The following FNDC3A variants were observed in gnomAD, a reference collection of about 807,000 sequenced individuals.
FNDC3A encodes fibronectin type III domain containing 3A, also known as fibronectin type-III domain-containing protein 3A.
Under a neutral mutation model 148.9 loss-of-function variants are expected in FNDC3A, and 32 were observed. That is an observed-to-expected ratio of 0.21 (90% CI 0.16 to 0.29). FNDC3A has a LOEUF of 0.29. Among genes scored for constraint, FNDC3A ranks in the 10% least tolerant of loss-of-function variants. The pLI, the probability that FNDC3A is intolerant of heterozygous loss-of-function variation, is 1.00. For missense variants in FNDC3A, 1,191 were observed against 1,452.8 expected, an observed-to-expected ratio of 0.82 and a Z score of 2.93; for synonymous variants, 472 against 473.6, an observed-to-expected ratio of 1.00 and a Z score of 0.04.
intron 7 of FNDC3A, 21 bp from the exon 8 acceptor site, chr13:49,145,757 T>C (rs1566281854): frequency 2.5e-6 from 4 of 1,610,682 alleles, no homozygotes; most frequent in African/African-American, 1.3e-5. Flanking sequence ...TAAAGAACTT[T>C]TAAATGTTGT....
At chr13:49,007,718 A>G (rs758817011) in intron 2 of FNDC3A, among the ~76,000 whole-genome samples, 1 of 152,128 alleles carries the variant, frequency 6.6e-6, no homozygotes, top group Non-Finnish European at 1.5e-5. Flanking sequence ...TGTAACAGTA[A>G]TGGTGTAGAT....
chr13:49,048,836 A>G (rs1875613824), intron 2 of FNDC3A, among the ~76,000 whole-genome samples: 1 of 152,142 alleles, frequency 6.6e-6, no homozygotes, highest in Non-Finnish European at 1.5e-5. Flanking sequence ...TGCTCTGGCT[A>G]GGACTTCCAA....
chr13:49,063,609 A>G (rs989154842), intron 2 of FNDC3A, among the ~76,000 whole-genome samples: 2 of 152,178 alleles, frequency 1.3e-5, no homozygotes, highest in Non-Finnish European at 2.9e-5. Context: ...TTGGGTATAC[A>G]TTATTCCTTG....
chr13:49,157,769 A>G (rs1255786479), intron 8 of FNDC3A, among the ~76,000 whole-genome samples: 2 of 121,430 alleles, frequency 1.6e-5, no homozygotes, highest in Non-Finnish European at 3.4e-5. Context: ...GGTCTGTTGG[A>G]ATACCCTGCC....
chr13:49,018,501 T>G (rs1873010523), intron 2 of FNDC3A, among the ~76,000 whole-genome samples: 1 of 152,276 alleles, frequency 6.6e-6, no homozygotes, highest in African/African-American at 2.4e-5. Context: ...TTATACATTA[T>G]TCTAAACTTT....
At chr13:49,119,257 G>A (rs1276692876) in intron 4 of FNDC3A, among the ~76,000 whole-genome samples, 1 of 152,216 alleles carries the variant, frequency 6.6e-6, no homozygotes, top group Admixed American at 6.5e-5. Flanking sequence ...ACCTGCCGCA[G>A]AGGGGCCTGA....
chr13:48,986,910 G>A (rs1302033795), intron 1 of FNDC3A, among the ~76,000 whole-genome samples: 2 of 150,928 alleles, frequency 1.3e-5, no homozygotes, highest in African/African-American at 4.8e-5. Flanking sequence ...AGGAATTAGT[G>A]AAGGAAACAT....
chr13:48,981,188 C>G (rs1951687806), intron 1 of FNDC3A, among the ~76,000 whole-genome samples: 1 of 152,058 alleles, frequency 6.6e-6, no homozygotes, highest in Non-Finnish European at 1.5e-5. Context: ...CTTGAAACAG[C>G]TTCACCATGC....
intron 8 of FNDC3A, among the ~76,000 whole-genome samples, chr13:49,153,132 A>C (rs1481937153): frequency 0.014 from 2,088 of 150,888 alleles, 59 homozygotes; most frequent in African/African-American, 0.048. Context: ...TACAGTCCCA[A>C]CAACAATGTA....
intron 1 of FNDC3A, among the ~76,000 whole-genome samples, chr13:49,001,456 G>C (rs1952124683): frequency 6.6e-6 from 1 of 152,194 alleles, no homozygotes; most frequent in Non-Finnish European, 1.5e-5. Context: ...AATGTTCAGG[G>C]AACAAGAGAG....
In FNDC3A at chr13:49,197,764, C is replaced by T. The variant is rs113841573; in HGVS notation, c.2380C>T (p.Leu794=). 1.7e-4 allele frequency: 272 copies of T among 1,611,256 alleles called. No homozygotes were observed. The Middle Eastern group carries it at 1.8e-3, about 11-fold the overall frequency. ...TGGAACAGATGTCACTGAATATCGACTGGAGTGGGGAGGAGTTGAAGGAAG... is the reference window on the plus strand; with the variant it reads ...TGGAACAGATGTCACTGAATATCGATTGGAGTGGGGAGGAGTTGAAGGAAG... The part of the protein sequence containing the change: ...SNGTDVTEYR[L]EWGGVEGSMQ... The change falls in exon 21 of 26, where the codon CTG becomes TTG. Residue 794 remains leucine, a synonymous_variant. Transcript: ENST00000492622.
At chr13:49,097,281 A>G (rs1173754546) in intron 3 of FNDC3A, among the ~76,000 whole-genome samples, 1 of 151,540 alleles carries the variant, frequency 6.6e-6, no homozygotes, top group Non-Finnish European at 1.5e-5. Context: ...CAGTTTTTAT[A>G]TTTTCCAAAT....
chr13:49,075,410 C>T, intron 3 of FNDC3A, 46 bp downstream of exon 3: 1 of 1,151,428 alleles, frequency 8.7e-7, no homozygotes, highest in Non-Finnish European at 1.3e-6. Flanking sequence ...AAATAAACCC[C>T]AAAAATTTAT....
At chr13:49,115,165 T>C (rs535941993) in intron 4 of FNDC3A, among the ~76,000 whole-genome samples, 1 of 142,288 alleles carries the variant, frequency 7.0e-6, no homozygotes, top group African/African-American at 2.6e-5. Context: ...GAAAAGAGTT[T>C]AGCAACCCTG....
At chr13:49,154,309 G>A (rs1263216277) in intron 8 of FNDC3A, among the ~76,000 whole-genome samples, 1 of 113,958 alleles carries the variant, frequency 8.8e-6, no homozygotes, top group African/African-American at 3.0e-5. Context: ...CTCATGATTT[G>A]GCTCTCTGTT....
chr13:49,201,091 A>G (rs1285388363), intron 23 of FNDC3A: 1 of 244,950 alleles, frequency 4.1e-6, no homozygotes, highest in Non-Finnish European at 8.4e-6. Flanking sequence ...TTAGCATTGA[A>G]TAAGCATTCA....
intron 17 of FNDC3A, among the ~76,000 whole-genome samples, chr13:49,189,487 T>C (rs79771257): frequency 2.0e-5 from 3 of 146,618 alleles, no homozygotes; most frequent in Non-Finnish European, 4.5e-5. Context: ...GGCCAAGTGA[T>C]TTTTTTTTTT....
At chr13:49,088,958 C>G (rs998005543) in intron 3 of FNDC3A, among the ~76,000 whole-genome samples, 1 of 151,934 alleles carries the variant, frequency 6.6e-6, no homozygotes, top group Admixed American at 6.6e-5. Flanking sequence ...TTGTGTGATT[C>G]CACTTACGTG....
rs1886503646 is a variant in FNDC3A at position 49,203,299 on chromosome 13, AT to A, written c.3282+17del. The A allele has an allele frequency of 1.3e-6, 2 of 1,578,678 alleles. No individual in the cohort carries two copies. The highest frequency in any genetic ancestry group is 1.7e-6 in the Non-Finnish European group (2 of 1,158,474). ...AATTCAAACAGGTATGTACCAAGAT[AT>A]TAATGTGTGGATGCATATTTTTACC... On this transcript the variant is annotated intron_variant, in intron 25 of 25. Transcript: ENST00000492622.
Sources: allele counts gnomAD v4.1 joint callset (sites outside exome capture counted in the v4.1 genomes callset), GRCh38; gene constraint gnomAD v4.1.1; transcripts MANE v1.5; gene names NCBI Gene and HGNC (gene_info 2026-07-23, HGNC 2026-07-21).